The following RNF141 variants were observed in gnomAD, a reference collection of about 807,000 sequenced individuals.
RNF141 encodes the protein ring finger protein 141.
Under a neutral mutation model 27.4 loss-of-function variants are expected in RNF141, and 18 were observed. That is an observed-to-expected ratio of 0.66 (90% CI 0.45 to 0.97). RNF141 has a LOEUF of 0.97. Among genes scored for constraint, RNF141 ranks in the 50% least tolerant of loss-of-function variants. The pLI is 0.00. For synonymous variants in RNF141, 97 were observed against 96.6 expected (o/e 1.00, Z -0.02); for missense variants, 230 against 279.4 (o/e 0.82, Z 1.26).
chr11:10,517,873 T>C (rs1013752388), intron 5 of RNF141: 1 of 152,156 alleles, frequency 6.6e-6, no homozygotes, highest in Non-Finnish European at 1.5e-5. Context: ...AAGGTTGATA[T>C]ACAAATATCT....
intron 2 of RNF141, among the ~76,000 whole-genome samples, chr11:10,531,540 T>G (rs1475495768): frequency 1.3e-5 from 2 of 152,286 alleles, no homozygotes; most frequent in East Asian, 3.9e-4. Flanking sequence ...TGGGGCTACA[T>G]CAAGTAAAAC....
In RNF141 at chr11:10,528,754, T is replaced by C. The variant is rs377333979; in HGVS notation, c.252+1889A>G. ...AGAGAGTATTATTTCAACAGATTTT[T>C]TTTGTTCACTTAATATATACTGAGT... On this transcript the variant is annotated intron_variant, in intron 3 of 5. Transcript: ENST00000265981. Among the ~76,000 whole-genome samples the C allele has an allele frequency of 2.6e-4, 39 of 152,332 alleles. No homozygotes were observed. In the East Asian group the frequency reaches 4.4e-3, roughly 17 times the overall value.
At chr11:10,520,737 C>T (rs1302107273) in intron 4 of RNF141, among the ~76,000 whole-genome samples, 1 of 152,208 alleles carries the variant, frequency 6.6e-6, no homozygotes, top group African/African-American at 2.4e-5. Flanking sequence ...TTTACACCAG[C>T]ATCACCAAGA....
chr11:10,525,489 T>G, intron 3 of RNF141, 116 bp from the exon 4 acceptor site: 3 of 721,160 alleles, frequency 4.2e-6, no homozygotes, highest in Non-Finnish European at 6.7e-6. Flanking sequence ...TTTTCAGGAT[T>G]TGCAAATTAC....
At position 10,514,810 on chromosome 11, in the gene RNF141, G is replaced by T; in HGVS notation, c.*106C>A. ...CAGAATAGCAAAAATAAAAGAGTGG[G>T]GAAAATGGATTTTCCTGTGTCTGTG... On this transcript the variant is annotated 3_prime_UTR_variant, in exon 6 of 6. Transcript: ENST00000265981. The T allele has an allele frequency of 9.4e-7, 1 of 1,062,770 alleles. No individual in the cohort carries two copies. The allele number at this position is 1,062,770 out of a possible 1,614,324, so 65.8% of individuals were successfully genotyped here. A position where few individuals can be genotyped will look rare whatever the true frequency, so the allele number is the denominator to read the frequency against.
At chr11:10,526,243 C>A (rs1849934986) in intron 3 of RNF141, among the ~76,000 whole-genome samples, 1 of 151,538 alleles carries the variant, frequency 6.6e-6, no homozygotes. Context: ...TAAGAACAAG[C>A]AAAATCAGAA....
chr11:10,521,108 CT>C (rs1554904022), intron 4 of RNF141, among the ~76,000 whole-genome samples: 1 of 152,122 alleles, frequency 6.6e-6, no homozygotes, highest in Non-Finnish European at 1.5e-5. Flanking sequence ...GATTTCAAAC[CT>C]TTTGCTCCAG....
At chr11:10,531,374 C>CAAA (rs10664382) in intron 2 of RNF141, among the ~76,000 whole-genome samples, 89,682 of 133,762 alleles carry the variant, frequency 0.67, 30,419 homozygotes, top group East Asian at 0.82. Flanking sequence ...GACTCAGTCT[C>CAAA]AAAAAAAAAA....
At chr11:10,522,665 G>GA (rs1161393415) in intron 4 of RNF141, among the ~76,000 whole-genome samples, 1 of 152,198 alleles carries the variant, frequency 6.6e-6, no homozygotes, top group Non-Finnish European at 1.5e-5. Context: ...TGAAAGGCTG[G>GA]AAAAGAGAAC....
In RNF141 at chr11:10,514,108, T is replaced by C. The variant is rs980593045; in HGVS notation, c.*808A>G. 2 of 152,234 alleles carry C rather than the reference T, an allele frequency of 1.3e-5. No individual in the cohort carries two copies. The highest frequency in any genetic ancestry group is 2.9e-5 in the Non-Finnish European group (2 of 68,038). 9.4% of individuals were successfully genotyped at this position (152,234 alleles called of 1,614,324 possible). A position where few individuals can be genotyped will look rare whatever the true frequency, so the allele number is the denominator to read the frequency against. On this transcript the variant is annotated 3_prime_UTR_variant, in exon 6 of 6. Coordinates refer to ENST00000265981, the MANE Select transcript of RNF141 (RefSeq NM_016422.4). The stretch of plus-strand genomic sequence containing the variant: ...TTAGAAATATAAAATTTAGTATTTG[T>C]GATGCAGAATAATTTCCTTCTGAAA...
chr11:10,527,080 C>T (rs182872076), intron 3 of RNF141, among the ~76,000 whole-genome samples: 1 of 152,282 alleles, frequency 6.6e-6, no homozygotes, highest in Non-Finnish European at 1.5e-5. Context: ...ACAGAAATAG[C>T]AAAGTGTATC....
At chr11:10,528,323 C>G (rs900352074) in intron 3 of RNF141, among the ~76,000 whole-genome samples, 1 of 151,930 alleles carries the variant, frequency 6.6e-6, no homozygotes, top group Admixed American at 6.5e-5. Flanking sequence ...CAGAAAGAAC[C>G]TAAGGAATGC....
At chr11:10,517,403 A>G (rs1591495983) in intron 5 of RNF141, 1 of 152,126 alleles carries the variant, frequency 6.6e-6, no homozygotes, top group Non-Finnish European at 1.5e-5. Flanking sequence ...GGGCTAATAC[A>G]TGGTAATTGG....
At chr11:10,533,330 T>G (rs1215157511) in intron 2 of RNF141, among the ~76,000 whole-genome samples, 1 of 152,076 alleles carries the variant, frequency 6.6e-6, no homozygotes, top group East Asian at 1.9e-4. Flanking sequence ...AATTAACAAA[T>G]AGAAGACTAA....
chr11:10,526,987 G>C (rs985232270), intron 3 of RNF141, among the ~76,000 whole-genome samples: 1 of 152,182 alleles, frequency 6.6e-6, no homozygotes, highest in Non-Finnish European at 1.5e-5. Context: ...TTACAAAATA[G>C]ATCTTCAGAG....
At chr11:10,517,502 A>G (rs1849851890) in intron 5 of RNF141, 1 of 152,154 alleles carries the variant, frequency 6.6e-6, no homozygotes, top group Non-Finnish European at 1.5e-5. Flanking sequence ...GTAAATCAAC[A>G]AATCCAAGAA....
At chr11:10,522,806 G>A (rs1439244518) in intron 4 of RNF141, among the ~76,000 whole-genome samples, 1 of 152,190 alleles carries the variant, frequency 6.6e-6, no homozygotes, top group Non-Finnish European at 1.5e-5. Flanking sequence ...AGCATCTTAT[G>A]TCTTTTAATT....
intron 1 of RNF141, among the ~76,000 whole-genome samples, chr11:10,537,185 G>T (rs1473610676): frequency 1.3e-5 from 2 of 152,174 alleles, no homozygotes; most frequent in African/African-American, 2.4e-5. Context: ...AGTGGAAATG[G>T]CTGCTACATG....
At chr11:10,533,770 A>G (rs1295304183) in intron 2 of RNF141, among the ~76,000 whole-genome samples, 4 of 152,142 alleles carry the variant, frequency 2.6e-5, no homozygotes, top group South Asian at 2.1e-4. Flanking sequence ...AATTGCTTCA[A>G]TATGCCTGTG....
Sources: gnomAD v4.1 joint callset for allele counts (sites outside exome capture counted in the v4.1 genomes callset) on GRCh38, gnomAD v4.1.1 for gene constraint, MANE v1.5 for transcripts, NCBI Gene and HGNC (gene_info 2026-07-23, HGNC 2026-07-21) for gene names.